CCDC88B: variants seen among roughly 807,000 people sequenced by gnomAD.
CCDC88B encodes the protein coiled-coil domain-containing protein 88B.
CCDC88B carries 138 observed loss-of-function variants against 183.7 expected under a neutral mutation model. The observed-to-expected ratio is 0.75, with a 90% CI of 0.65 to 0.87. The LOEUF (loss-of-function observed/expected upper bound fraction) is 0.87. Ranked by LOEUF, CCDC88B falls within the 40% of genes least tolerant of loss-of-function variation. The pLI is 0.00. For synonymous variants in CCDC88B, 835 were observed against 867.5 expected (o/e 0.96, Z 0.66); for missense variants, 1,822 against 1,965.6 (o/e 0.93, Z 1.38).
chr11:64,343,800 C>T lies in CCDC88B; in HGVS notation c.1341C>T (p.Pro447=). The part of the protein sequence containing the change: ...PGEAPLAGAA[P]SLQDEVREAE... The stretch of plus-strand genomic sequence containing the variant: ...CAGCACCCCTAGCAGGAGCGGCCCC[C>T]TCGCTGCAAGATGAGGTGAGGGAGG... Residue 447 remains proline, a synonymous_variant, in exon 13 of 27, where the codon CCC becomes CCT. Coordinates refer to ENST00000356786, the MANE Select transcript of CCDC88B (RefSeq NM_032251.6). The T allele has an allele frequency of 6.3e-7, 1 of 1,583,876 alleles. No homozygotes were observed. The highest frequency in any genetic ancestry group is 1.1e-5 in the South Asian group (1 of 87,080).
chr11:64,344,466 G>C lies in CCDC88B; in HGVS notation c.1925G>C (p.Arg642Thr), dbSNP rs1041495704. 1 of 1,596,776 alleles carries C rather than the reference G, an allele frequency of 6.3e-7. No homozygotes were observed. The highest frequency in any genetic ancestry group is 8.5e-7 in the Non-Finnish European group (1 of 1,172,100). The stretch of plus-strand genomic sequence containing the variant: ...TTGGTGCCTGAGGCCTGGGGGTTGA[G>C]ACAGGAGGGCCCTGAGCACAAGCCA... ...GELVPEAWGL[R>T]QEGPEHKPGP... The change falls in exon 14 of 27, where the codon AGA becomes ACA. Residue 642 changes from arginine to threonine, a missense_variant. By Grantham distance (71) the Arg-to-Thr change is moderately conservative. Transcript: ENST00000356786. This position sits in a 1 kb window ranked among gnomAD's most constrained non-coding sequence, Gnocchi z 4.5.
rs2035800041 is a variant in CCDC88B, at chr11:64,340,717, C to T, written c.171C>T (p.Ser57=). The T allele has an allele frequency of 6.2e-7, 1 of 1,612,166 alleles. No individual in the cohort carries two copies. The highest frequency in any genetic ancestry group is 1.1e-5 in the South Asian group (1 of 91,030). The change falls in exon 2 of 27, where the codon AGC becomes AGT. Residue 57 remains serine, a synonymous_variant. Coordinates refer to ENST00000356786, the MANE Select transcript of CCDC88B (RefSeq NM_032251.6). ...TGGAGAAGAGATTCCTGCGCCTCAG[C>T]GATGGGGCCCTGCTCCTCCGGGTGC... The part of the protein sequence containing the change: ...LWLEKRFLRL[S]DGALLLRVLG...
chr11:64,340,937 G>C lies in CCDC88B; in HGVS notation c.237G>C (p.Met79Ile). 6.3e-7 allele frequency: 1 copy of C among 1,580,732 alleles called. No homozygotes were observed. Among genetic ancestry groups the C allele is most frequent in the East Asian group, 2.2e-5 (1 of 44,548 alleles). The change falls in exon 3 of 27, where the codon ATG becomes ATC. Residue 79 changes from methionine (M) to isoleucine (I), a missense_variant. Transcript: ENST00000356786. ...IAPSSRGGPR[M>I]LRGLDGPAAW... ...CCAGCTCCCGAGGGGGACCTCGGAT[G>C]CTCAGAGGCCTTGACGGACCTGCTG...
rs768300049 is a variant in CCDC88B at position 64,341,338 on chromosome 11, C to T, written c.447+10C>T. 1 of 1,614,006 alleles carries T rather than the reference C, an allele frequency of 6.2e-7. No homozygotes were observed. The highest frequency in any genetic ancestry group is 8.5e-7 in the Non-Finnish European group (1 of 1,179,992). ...GGGAGCGTCAGTACAGGTGAGCCGG[C>T]GGTGGGAAGGAAAGGTTAGGGTCGA... On this transcript the variant is annotated intron_variant, in intron 5 of 26. Transcript: ENST00000356786.
chr11:64,345,204 A>G (rs1203247915), intron 14 of CCDC88B, 47 bp downstream of exon 14: 2 of 1,523,380 alleles, frequency 1.3e-6, no homozygotes, highest in African/African-American at 1.4e-5. Flanking sequence ...GCAGAGTTCC[A>G]GGCTGTTGGG....
chr11:64,343,345 C>T lies in CCDC88B; in HGVS notation c.1209+20C>T, dbSNP rs2035965132. The stretch of plus-strand genomic sequence containing the variant: ...CATGCGGTAAGGTAGCCAGAGTGAT[C>T]CCACTTGGGTTGCCCCGTCACCCCA... On this transcript the variant is annotated intron_variant, in intron 11 of 26. Transcript: ENST00000356786. The T allele has an allele frequency of 1.3e-6, 2 of 1,549,138 alleles. No individual in the cohort carries two copies. The highest frequency in any genetic ancestry group is 1.7e-6 in the Non-Finnish European group (2 of 1,145,728).
intron 13 of CCDC88B, 24 bp downstream of exon 13, chr11:64,343,938 T>A: frequency 6.3e-7 from 1 of 1,578,790 alleles, no homozygotes; most frequent in Middle Eastern, 1.8e-4. Flanking sequence ...CCCAGGGTCC[T>A]GGCCGGCCCT....
At chr11:64,354,702 CTG>C (rs1565059826) in intron 24 of CCDC88B, among the ~76,000 whole-genome samples, 19 of 61,342 alleles carry the variant, frequency 3.1e-4, no homozygotes, top group South Asian at 7.5e-4. Flanking sequence ...CCCCCCCCCT[CTG>C]ACCCCTCCCC....
intron 24 of CCDC88B, among the ~76,000 whole-genome samples, chr11:64,354,693 C>A (rs1398219678): frequency 2.0e-5 from 1 of 50,444 alleles, no homozygotes; most frequent in Admixed American, 1.9e-4. Context: ...GAGCCTCCGC[C>A]CCCCCCCTCT....
At chr11:64,342,491 G>C in intron 9 of CCDC88B, 31 bp from the exon 10 acceptor site, 1 of 1,528,076 alleles carries the variant, frequency 6.5e-7, no homozygotes. Context: ...CCCGCGGCTG[G>C]CTGTTCCCAG....
At position 64,342,082 on chromosome 11, in the gene CCDC88B, A is replaced by G. The variant is rs772310173; in HGVS notation, c.764A>G (p.His255Arg). Reference protein sequence around the residue: ...SRAPAEGPSHHLALQLANAKA... With the variant: ...SRAPAEGPSHRLALQLANAKA... ...GCTCCCGCCGAGGGCCCCTCGCACC[A>G]TCTGGCCCTGCAGCTGGCCAACGCC... Residue 255 changes from histidine (H) to arginine (R), a missense_variant, in exon 8 of 27, where the codon CAT (histidine) becomes CGT (arginine). Physicochemically the swap from His to Arg is conservative, Grantham distance 29 (BLOSUM62 0). Coordinates refer to ENST00000356786, the MANE Select transcript of CCDC88B (RefSeq NM_032251.6). The G allele has an allele frequency of 1.9e-6, 3 of 1,611,432 alleles. No homozygotes were observed. The highest frequency in any genetic ancestry group is 1.7e-6 in the Non-Finnish European group (2 of 1,179,352).
chr11:64,354,056 G>A lies in CCDC88B; in HGVS notation c.3985G>A (p.Glu1329Lys). The change falls in exon 24 of 27, where the codon GAG (glutamate) becomes AAG (lysine). Residue 1329 changes from glutamate (E) to lysine (K), a missense_variant. Physicochemically the swap from Glu to Lys is moderately conservative, Grantham distance 56. Coordinates refer to ENST00000356786, the MANE Select transcript of CCDC88B (RefSeq NM_032251.6). Reference protein sequence around the residue: ...KVKRLMRPRREGGPPGGLRLG... With the variant: ...KVKRLMRPRRKGGPPGGLRLG... Reference sequence around the variant, plus strand: ...GAAGAGGCTGATGCGGCCCCGGCGGGAGGGGGGCCCCCCTGGGGGGCTGCG... The same window carrying A: ...GAAGAGGCTGATGCGGCCCCGGCGGAAGGGGGGCCCCCCTGGGGGGCTGCG... The A allele has an allele frequency of 1.4e-6, 2 of 1,448,138 alleles. No individual in the cohort carries two copies. Among genetic ancestry groups the A allele is most frequent in the Non-Finnish European group, 1.8e-6 (2 of 1,094,934 alleles). 89.7% of individuals were successfully genotyped at this position (1,448,138 alleles called of 1,614,324 possible).
Position 64,342,569 on chromosome 11 carries a change from G to A in CCDC88B, c.951G>A (p.Glu317=), listed in dbSNP as rs2035918989. The A allele has an allele frequency of 6.5e-7, 1 of 1,531,642 alleles. No individual in the cohort carries two copies. 94.9% of individuals were successfully genotyped at this position (1,531,642 alleles called of 1,614,324 possible). A position where few individuals can be genotyped will look rare whatever the true frequency, so the allele number is the denominator to read the frequency against. Residue 317 remains glutamate, a synonymous_variant, in exon 10 of 27, where the codon GAG becomes GAA. Transcript: ENST00000356786. The stretch of plus-strand genomic sequence containing the variant: ...CCAAGCGGGCCGAGCTGTACCGCGA[G>A]GAGGCAGAGGCGCTGCGGGAGCGGG... ...GQAKRAELYR[E]EAEALRERAG... is the part of the protein sequence containing the mutation.
At chr11:64,356,984 G>T (rs2036566292) in intron 26 of CCDC88B, 55 bp from the exon 27 acceptor site, 1 of 1,513,394 alleles carries the variant, frequency 6.6e-7, no homozygotes, top group Non-Finnish European at 8.9e-7. Flanking sequence ...GGGCCTCCTG[G>T]GACTCTGGGA....
chr11:64,347,406 C>T (rs1057123065), intron 14 of CCDC88B, among the ~76,000 whole-genome samples: 28 of 152,234 alleles, frequency 1.8e-4, no homozygotes, highest in African/African-American at 6.5e-4. Flanking sequence ...CAGGTAGGAA[C>T]TGAGTCATCC....
At chr11:64,355,111 C>T (rs2135315553) in intron 24 of CCDC88B, 83 bp from the exon 25 acceptor site, 1 of 995,706 alleles carries the variant, frequency 1.0e-6, no homozygotes, top group East Asian at 3.3e-5. Context: ...CCTCAGCCTC[C>T]CCCCATTCTC....
chr11:64,341,912 C>G lies in CCDC88B; in HGVS notation c.676-82C>G, dbSNP rs748064027. The G allele has an allele frequency of 3.7e-6, 3 of 815,128 alleles. No individual in the cohort carries two copies. In the Admixed American group the frequency reaches 7.1e-5, roughly 19 times the overall value. 50.5% of individuals were successfully genotyped at this position (815,128 alleles called of 1,614,324 possible). A position where few individuals can be genotyped will look rare whatever the true frequency, so the allele number is the denominator to read the frequency against. On this transcript the variant is annotated intron_variant, in intron 7 of 26. Transcript: ENST00000356786. ...ATGGCCCAAGACCCCAGACCACAAC[C>G]CCATGTCTGGTGTTGTGGTTGGGGG...
rs772034368 is a variant in CCDC88B at position 64,344,812 on chromosome 11, C to T, written c.2271C>T (p.Ala757=). The change falls in exon 14 of 27, where the codon GCC becomes GCT. Residue 757 remains alanine (A), a synonymous_variant. Coordinates refer to ENST00000356786, the MANE Select transcript of CCDC88B (RefSeq NM_032251.6). The surrounding 1 kb of genome is among the most constrained non-coding windows in gnomAD (Gnocchi z 4.5). ...AAGCCCAGGCCCGCAAGCTGGAGGCCCAAAACACGGAGGCTGCCCGCCTCT... is the reference window on the plus strand; with the variant it reads ...AAGCCCAGGCCCGCAAGCTGGAGGCTCAAAACACGGAGGCTGCCCGCCTCT... The part of the protein sequence containing the change: ...ELEAQARKLE[A]QNTEAARLSK... 1 of 1,611,472 alleles carries T rather than the reference C, an allele frequency of 6.2e-7. No homozygotes were observed.
Position 64,344,686 on chromosome 11 carries a change from C to G in CCDC88B, c.2145C>G (p.Ile715Met), listed in dbSNP as rs374890740. Residue 715 changes from isoleucine to methionine, a missense_variant, in exon 14 of 27, where the codon ATC becomes ATG. Ile to Met is a conservative substitution (Grantham distance 10). Transcript: ENST00000356786. This position sits in a 1 kb window ranked among gnomAD's most constrained non-coding sequence, Gnocchi z 4.5. ...AGGTCCAGGTCTGGGAAGGCCCAAT[C>G]CCAGGGGAGAGCCTGGCCAGTGGTG... is the stretch of plus-strand genomic sequence containing the variant. Reference protein sequence around the residue: ...ALEVQVWEGPIPGESLASGVA... With the variant: ...ALEVQVWEGPMPGESLASGVA... 2 of 1,613,992 alleles carry G rather than the reference C, an allele frequency of 1.2e-6. No homozygotes were observed. The highest frequency in any genetic ancestry group is 1.3e-5 in the African/African-American group (1 of 74,934).
Sources: gnomAD v4.1 joint callset for allele counts (sites outside exome capture counted in the v4.1 genomes callset) on GRCh38, gnomAD v4.1.1 for gene constraint, Gnocchi (gnomAD v3.1) non-coding constraint, MANE v1.5 for transcripts, NCBI Gene and HGNC (gene_info 2026-07-23, HGNC 2026-07-21) for gene names.